The following SERPINA11 variants were observed in gnomAD, a reference collection of about 807,000 sequenced individuals.
The protein encoded by SERPINA11 is serpin family A member 11.
A neutral mutation model predicts 29.4 loss-of-function variants in SERPINA11; 28 were observed. That is an observed-to-expected ratio of 0.95 (90% CI 0.70 to 1.30). The LOEUF is 1.30. Among genes scored for constraint, SERPINA11 ranks in the 50% most tolerant of loss-of-function variants. The pLI is 0.00. For missense variants in SERPINA11, 530 were observed against 507.3 expected, an observed-to-expected ratio of 1.04 and a Z score of -0.43; for synonymous variants, 253 against 206.6, an observed-to-expected ratio of 1.22 and a Z score of -1.92.
In SERPINA11 at chr14:94,446,342, C is replaced by A. The variant is rs769485876; in HGVS notation, c.906G>T (p.Leu302Phe). The A allele has an allele frequency of 3.7e-6, 6 of 1,612,926 alleles. No individual in the cohort carries two copies. Among genetic ancestry groups the A allele is most frequent in the South Asian group, 1.1e-5 (1 of 90,980 alleles). The change falls in exon 3 of 5, where the codon TTG becomes TTT. Residue 302 changes from leucine to phenylalanine, a missense_variant. Leu to Phe is a conservative substitution (Grantham distance 22). Transcript: ENST00000334708. ...QPQTLRKWGQLLLPSLLDLHL... is the reference protein window; with the variant it reads ...QPQTLRKWGQFLLPSLLDLHL... The stretch of plus-strand genomic sequence containing the variant: ...GCTGTGACACTTACCTGGGCAGGAG[C>A]AATTGGCCCCATTTTCTCAGGGTCT...
chr14:94,443,051 C>T, intron 4 of SERPINA11, 27 bp downstream of exon 4: 1 of 1,592,156 alleles, frequency 6.3e-7, no homozygotes, highest in Non-Finnish European at 8.5e-7. Flanking sequence ...CCCACCTGCC[C>T]ACAAACATCC....
At chr14:94,451,262 T>C (rs758071430) in intron 1 of SERPINA11, among the ~76,000 whole-genome samples, 3 of 152,206 alleles carry the variant, frequency 2.0e-5, no homozygotes, top group Non-Finnish European at 2.9e-5. Context: ...GGGACGAATG[T>C]GGTCTCATTA....
chr14:94,449,527 T>TTTTC (rs57105729), intron 1 of SERPINA11, among the ~76,000 whole-genome samples: 16 of 139,540 alleles, frequency 1.1e-4, no homozygotes, highest in Non-Finnish European at 2.2e-4. Flanking sequence ...CTTTCTTTCT[T>TTTTC]TTTCTTTCTT....
Position 94,449,449 on chromosome 14 carries a change from C to CT in SERPINA11, c.-3-673dup, listed in dbSNP as rs1295801556. ...TCTTTCTTTCTTTCTTTCTTTCTTT[C>CT]TTTCTTTCTTTCTTTCTTTCTTTCT... On this transcript the variant is annotated intron_variant, in intron 1 of 4. Transcript: ENST00000334708. 4.3e-4 allele frequency among the ~76,000 whole-genome samples: 48 copies of CT among 112,188 alleles called. 1 individual carries two copies. The highest frequency in any genetic ancestry group is 2.4e-3 in the African/African-American group (47 of 19,680). The allele number at this position is 112,188 out of a possible 152,430, so 73.6% of individuals were successfully genotyped here.
In SERPINA11 at chr14:94,442,612, T is replaced by C; in HGVS notation, c.1263A>G (p.Ala421=). The C allele has an allele frequency of 6.2e-7, 1 of 1,606,758 alleles. No individual in the cohort carries two copies. The highest frequency in any genetic ancestry group is 2.2e-5 in the East Asian group (1 of 44,620). Residue 421 remains alanine (A), a synonymous_variant, in exon 5 of 5, where the codon GCA becomes GCG. Transcript: ENST00000334708. ...TCCTGGCCTCCCACCATGGTTACCC[T>C]GCAACTGGGTTGACAACTTTTCCCA... is the stretch of plus-strand genomic sequence containing the variant. ...LFLGKVVNPV[A]G
chr14:94,443,041 C>T, intron 4 of SERPINA11, 37 bp downstream of exon 4: 3 of 1,584,704 alleles, frequency 1.9e-6, no homozygotes, highest in Non-Finnish European at 2.6e-6. Context: ...CCTACCTACC[C>T]CCACCTGCCC....
In SERPINA11 at chr14:94,446,426, C is replaced by T. The variant is rs368468516; in HGVS notation, c.822G>A (p.Ala274=). 59 of 1,614,122 alleles carry T rather than the reference C, an allele frequency of 3.7e-5. 1 individual carries two copies. The highest frequency in any genetic ancestry group is 3.2e-4 in the African/African-American group (24 of 75,042). Residue 274 remains alanine (A), a synonymous_variant, in exon 3 of 5, where the codon GCG becomes GCA. Transcript: ENST00000334708. ...LQIEYRGNAL[A]LLVLPDPGKM... is the part of the protein sequence containing the mutation. The stretch of plus-strand genomic sequence containing the variant: ...TCCCCGGGTCAGGGAGGACCAGCAG[C>T]GCCAAGGCATTTCCTCTGTATTCTA...
Position 94,442,791 on chromosome 14 carries a change from C to T in SERPINA11, c.1084G>A (p.Val362Met), listed in dbSNP as rs371266880. ...TCGGTCCCCTTCTCACTCATGTCCA[C>T]CATCGCCTTGTGTGACACCTAGAGG... ...TISKVSHKAM[V>M]DMSEKGTEAG... is the part of the protein sequence containing the mutation. Residue 362 changes from valine (V) to methionine (M), a missense_variant, in exon 5 of 5, where the codon GTG becomes ATG. Coordinates refer to ENST00000334708, the MANE Select transcript of SERPINA11 (RefSeq NM_001080451.2). 6.2e-7 allele frequency: 1 copy of T among 1,608,438 alleles called. No homozygotes were observed. Among genetic ancestry groups the T allele is most frequent in the East Asian group, 2.2e-5 (1 of 44,824 alleles).
At chr14:94,443,014 T>G (rs570937563) in intron 4 of SERPINA11, 64 bp downstream of exon 4, 4 of 1,534,742 alleles carry the variant, frequency 2.6e-6, no homozygotes, top group South Asian at 2.5e-5. Context: ...ATGTCCCACA[T>G]GCCAAAGGAG....
chr14:94,450,124 G>A (rs974207147), intron 1 of SERPINA11, among the ~76,000 whole-genome samples: 2 of 152,188 alleles, frequency 1.3e-5, no homozygotes, highest in Non-Finnish European at 2.9e-5. Flanking sequence ...TCCAGCCTCT[G>A]ATATCTGGGA....
chr14:94,447,364 C>A (rs1319370008), intron 2 of SERPINA11, among the ~76,000 whole-genome samples: 1 of 152,308 alleles, frequency 6.6e-6, no homozygotes, highest in Admixed American at 6.5e-5. Context: ...TACATACCCA[C>A]ACCCAATCAA....
intron 1 of SERPINA11, among the ~76,000 whole-genome samples, chr14:94,451,604 C>G (rs1464152149): frequency 6.6e-6 from 1 of 152,216 alleles, no homozygotes; most frequent in Non-Finnish European, 1.5e-5. Context: ...TGCAAATGAC[C>G]TATTTCCCAA....
intron 3 of SERPINA11, among the ~76,000 whole-genome samples, chr14:94,443,786 A>C (rs1007959758): frequency 6.6e-6 from 1 of 152,110 alleles, no homozygotes; most frequent in Admixed American, 6.5e-5. Flanking sequence ...ATGGGAGATC[A>C]TGTGTGTTGG....
chr14:94,448,265 G>A lies in SERPINA11; in HGVS notation c.510C>T (p.Phe170=), dbSNP rs1405924152. 1 of 1,614,246 alleles carries A rather than the reference G, an allele frequency of 6.2e-7. No homozygotes were observed. Among genetic ancestry groups the A allele is most frequent in the South Asian group, 1.1e-5 (1 of 91,088 alleles). ...GCCTCCCAGTTGTAACAGAATCTGT[G>A]AAGTTGGCAGAAAAAGCAAAAGCTC... ...LYGAFAFSAN[F]TDSVTTGRQI... Residue 170 remains phenylalanine, a synonymous_variant, in exon 2 of 5, where the codon TTC becomes TTT. Transcript: ENST00000334708.
At chr14:94,447,600 A>G (rs1898470737) in intron 2 of SERPINA11, among the ~76,000 whole-genome samples, 1 of 152,236 alleles carries the variant, frequency 6.6e-6, no homozygotes, top group Non-Finnish European at 1.5e-5. Flanking sequence ...TTCCCTGAAT[A>G]AAGCTGGGAG....
At chr14:94,449,485 CTGTCTGTCTTTCTTTCTCTTTCTT>C (rs1307709191) in intron 1 of SERPINA11, among the ~76,000 whole-genome samples, 2 of 77,270 alleles carry the variant, frequency 2.6e-5, no homozygotes, top group Admixed American at 1.2e-4. Flanking sequence ...TTCTTTCTGT[CTGTCTGTCTTTCTTTCTCTTTCTT>C]TTTCTTTCTT....
At chr14:94,451,186 G>A (rs1898579469) in intron 1 of SERPINA11, among the ~76,000 whole-genome samples, 1 of 152,152 alleles carries the variant, frequency 6.6e-6, no homozygotes. Context: ...TTATATTTTT[G>A]CAAATGGGTT....
Position 94,449,509 on chromosome 14 carries a change from T to TTCTTTCTTTCTTTTTC in SERPINA11, c.-3-733_-3-732insGAAAAAGAAAGAAAGA, listed in dbSNP as rs1376198256. On this transcript the variant is annotated intron_variant, in intron 1 of 4. Transcript: ENST00000334708. ...TCTGTCTGTCTTTCTTTCTCTTTCT[T>TTCTTTCTTTCTTTTTC]TTTCTTTCTTTCTTTCTTTTTCTTT... Among the ~76,000 whole-genome samples, 26 of 128,230 alleles carry TTCTTTCTTTCTTTTTC rather than the reference T, an allele frequency of 2.0e-4. 1 individual carries two copies. Among genetic ancestry groups the TTCTTTCTTTCTTTTTC allele is most frequent in the African/African-American group, 9.8e-4 (24 of 24,480 alleles). 84.1% of individuals were successfully genotyped at this position (128,230 alleles called of 152,430 possible). A position where few individuals can be genotyped will look rare whatever the true frequency, so the allele number is the denominator to read the frequency against.
chr14:94,448,771 C>T lies in SERPINA11; in HGVS notation c.4G>A (p.Gly2Ser). 1 of 1,506,566 alleles carries T rather than the reference C, an allele frequency of 6.6e-7. No individual in the cohort carries two copies. Among genetic ancestry groups the T allele is most frequent in the Non-Finnish European group, 8.9e-7 (1 of 1,128,104 alleles). 93.3% of individuals were successfully genotyped at this position (1,506,566 alleles called of 1,614,324 possible). A position where few individuals can be genotyped will look rare whatever the true frequency, so the allele number is the denominator to read the frequency against. ...CCCAGTAGCCAAAGCCAAGCTGGAC[C>T]CATTCTCTGAAAACAAGAGGGTGAA... is the stretch of plus-strand genomic sequence containing the variant. M[G>S]PAWLWLLGTG... The change falls in exon 2 of 5, where the codon GGT becomes AGT. Residue 2 changes from glycine (G) to serine (S), a missense_variant. Gly to Ser is a moderately conservative substitution (Grantham distance 56, BLOSUM62 0). Coordinates refer to ENST00000334708, the MANE Select transcript of SERPINA11 (RefSeq NM_001080451.2).
Sources: gnomAD v4.1 joint callset for allele counts (sites outside exome capture counted in the v4.1 genomes callset) on GRCh38, gnomAD v4.1.1 for gene constraint, MANE v1.5 for transcripts, NCBI Gene and HGNC (gene_info 2026-07-23, HGNC 2026-07-21) for gene names.